B4GALNT3: variants seen among roughly 807,000 people sequenced by gnomAD.
B4GALNT3 encodes beta-1,4-N-acetylgalactosaminyltransferase 3.
B4GALNT3 carries 86 observed loss-of-function variants against 120.2 expected under a neutral mutation model. The observed-to-expected ratio is 0.72, with a 90% CI of 0.60 to 0.86. B4GALNT3 has a LOEUF of 0.86. Ranked by LOEUF, B4GALNT3 falls within the 40% of genes least tolerant of loss-of-function variation. The pLI is 0.00. For synonymous variants in B4GALNT3, 518 were observed against 510.4 expected (o/e 1.01, Z -0.20); for missense variants, 1,167 against 1,298.9 (o/e 0.90, Z 1.56).
In B4GALNT3 at chr12:511,406, T is replaced by TCCTTCCA. The variant is rs143525841; in HGVS notation, c.170-23740_170-23734dup. On this transcript the variant is annotated intron_variant, in intron 1 of 19. Coordinates refer to ENST00000266383, the MANE Select transcript of B4GALNT3 (RefSeq NM_173593.4). ...GCCTTCCACCTTCTGTCTTCCACCT[T>TCCTTCCA]CCTTCCACCTTCCACCTTCCACCTT... 1.8e-3 allele frequency among the ~76,000 whole-genome samples: 126 copies of TCCTTCCA among 70,782 alleles called. 4 individuals are homozygous for TCCTTCCA. The highest frequency in any genetic ancestry group is 0.011 in the East Asian group (20 of 1,776). 46.4% of individuals were successfully genotyped at this position (70,782 alleles called of 152,430 possible).
In B4GALNT3 at chr12:530,061, C is replaced by T. The variant is rs1946791316; in HGVS notation, c.170-5105C>T. Reference sequence around the variant, plus strand: ...CAACTACTTAGGAGCAAAAACAATACATCCTGCCGTGTACCTTCGGTAAAG... The same window carrying T: ...CAACTACTTAGGAGCAAAAACAATATATCCTGCCGTGTACCTTCGGTAAAG... On this transcript the variant is annotated intron_variant, in intron 1 of 19. Coordinates refer to ENST00000266383, the MANE Select transcript of B4GALNT3 (RefSeq NM_173593.4). Among the ~76,000 whole-genome samples the T allele has an allele frequency of 1.6e-5, 2 of 126,500 alleles. 1 individual carries two copies. The highest frequency in any genetic ancestry group is 3.2e-5 in the Non-Finnish European group (2 of 62,412). 83.0% of individuals were successfully genotyped at this position (126,500 alleles called of 152,430 possible). A position where few individuals can be genotyped will look rare whatever the true frequency, so the allele number is the denominator to read the frequency against.
intron 19 of B4GALNT3, among the ~76,000 whole-genome samples, chr12:560,369 G>A (rs1023226924): frequency 2.0e-5 from 3 of 152,084 alleles, no homozygotes; most frequent in Non-Finnish European, 2.9e-5. Flanking sequence ...ATCCACATCC[G>A]TTACCTCGTT....
intron 1 of B4GALNT3, among the ~76,000 whole-genome samples, chr12:481,615 C>T (rs1031213906): frequency 6.6e-6 from 1 of 152,198 alleles, no homozygotes; most frequent in Non-Finnish European, 1.5e-5. Context: ...CCCTGTCTGC[C>T]AGAGTGCATG....
chr12:545,436 C>A lies in B4GALNT3; in HGVS notation c.606C>A (p.Val202=). Residue 202 remains valine (V), a synonymous_variant, in exon 6 of 20, where the codon GTC becomes GTA. Transcript: ENST00000266383. ...TCTGGCTGAGCCTCGATGACCAGGT[C>A]TCAGGCCTCCAGCTGCTGGCCAGTG... The part of the protein sequence containing the change: ...AEFWLSLDDQ[V]SGLQLLASVG... 6.2e-7 allele frequency: 1 copy of A among 1,610,294 alleles called. No individual in the cohort carries two copies. The highest frequency in any genetic ancestry group is 1.1e-5 in the South Asian group (1 of 89,998).
intron 17 of B4GALNT3, 125 bp downstream of exon 17, chr12:558,213 C>A: frequency 9.5e-7 from 1 of 1,058,168 alleles, no homozygotes; most frequent in Non-Finnish European, 1.4e-6. Flanking sequence ...AGGAGGTCCT[C>A]TCTGCTGTGC....
chr12:546,398 G>T (rs1947008985), intron 6 of B4GALNT3, among the ~76,000 whole-genome samples: 2 of 152,016 alleles, frequency 1.3e-5, no homozygotes, highest in African/African-American at 4.8e-5. Flanking sequence ...CCTTGGCCGG[G>T]TGCTGACTCG....
chr12:499,496 G>A (rs1330044376), intron 1 of B4GALNT3, among the ~76,000 whole-genome samples: 1 of 123,948 alleles, frequency 8.1e-6, no homozygotes, highest in African/African-American at 3.7e-5. Flanking sequence ...AGCCCGTGGA[G>A]CCCGTGCTCT....
intron 19 of B4GALNT3, among the ~76,000 whole-genome samples, chr12:560,880 C>T (rs929249056): frequency 1.4e-4 from 21 of 152,192 alleles, no homozygotes; most frequent in Admixed American, 7.8e-4. Context: ...CTGGGGAGGG[C>T]CTAGGCGCCA....
At chr12:522,394 G>A (rs995524289) in intron 1 of B4GALNT3, among the ~76,000 whole-genome samples, 28 of 152,228 alleles carry the variant, frequency 1.8e-4, no homozygotes, top group African/African-American at 6.8e-4. Context: ...CGTGAAGTGA[G>A]AAAAGCCAGA....
Position 561,367 on chromosome 12 carries a change from G to A in B4GALNT3, c.2913G>A (p.Val971=), listed in dbSNP as rs1947230378. 6.2e-7 allele frequency: 1 copy of A among 1,614,014 alleles called. No homozygotes were observed. Among genetic ancestry groups the A allele is most frequent in the East Asian group, 2.2e-5 (1 of 44,894 alleles). ...LDRILQAGLD[V]ERLSLRNFFH... ...GGATACTCCAAGCGGGCCTGGACGTGGAGCGTCTCTCCCTCAGGAATTTCT... is the reference window on the plus strand; with the variant it reads ...GGATACTCCAAGCGGGCCTGGACGTAGAGCGTCTCTCCCTCAGGAATTTCT... The change falls in exon 20 of 20, where the codon GTG becomes GTA. Residue 971 remains valine (V), a synonymous_variant. Transcript: ENST00000266383.
chr12:492,919 A>G (rs1331498784), intron 1 of B4GALNT3, among the ~76,000 whole-genome samples: 1 of 152,050 alleles, frequency 6.6e-6, no homozygotes, highest in African/African-American at 2.4e-5. Flanking sequence ...AAACCTAGAC[A>G]TAGTTCTTAC....
rs763178905 is a variant in B4GALNT3, at chr12:536,202, T to C, written c.274-16T>C. On this transcript the variant is annotated splice_polypyrimidine_tract_variant and intron_variant, in intron 2 of 19. Transcript: ENST00000266383. ...CCTAATATTCCTACCAACTTCGTTC[T>C]TCATTCTTCCCCTAGGACCACGACA... The C allele has an allele frequency of 1.6e-5, 26 of 1,610,436 alleles. No individual in the cohort carries two copies. Among genetic ancestry groups the C allele is most frequent in the Non-Finnish European group, 1.8e-5 (21 of 1,176,794 alleles).
chr12:535,621 G>A (rs1196101482), intron 2 of B4GALNT3, among the ~76,000 whole-genome samples: 3 of 152,210 alleles, frequency 2.0e-5, no homozygotes, highest in African/African-American at 7.2e-5. Context: ...GGGCTGGGCT[G>A]TGCTGTGCTT....
chr12:509,255 T>C (rs1002725946), intron 1 of B4GALNT3, among the ~76,000 whole-genome samples: 4 of 152,204 alleles, frequency 2.6e-5, no homozygotes, highest in African/African-American at 4.8e-5. Context: ...TGGATGGGCT[T>C]GTTAACAGCT....
chr12:496,664 C>T (rs1231785158), intron 1 of B4GALNT3, among the ~76,000 whole-genome samples: 1 of 152,130 alleles, frequency 6.6e-6, no homozygotes, highest in African/African-American at 2.4e-5. Context: ...GTTGTACCAC[C>T]GTCACCTCTG....
chr12:544,215 G>T (rs1301809576), intron 3 of B4GALNT3, 124 bp from the exon 4 acceptor site: 2 of 796,330 alleles, frequency 2.5e-6, no homozygotes, highest in South Asian at 1.6e-5. Context: ...AGGGCATGGG[G>T]TGCTCATCCT....
chr12:512,953 C>CCTTCCACCTTCCACTTT (rs1183508160), intron 1 of B4GALNT3, among the ~76,000 whole-genome samples: 4,977 of 140,136 alleles, frequency 0.036, 212 homozygotes, highest in Non-Finnish European at 0.06. Context: ...CCTTCTTCCA[C>CCTTCCACCTTCCACTTT]CTTCCACCTT....
chr12:547,502 T>G lies in B4GALNT3; in HGVS notation c.708-522T>G, dbSNP rs181171982. Among the ~76,000 whole-genome samples the G allele has an allele frequency of 4.3e-4, 65 of 152,074 alleles. 1 individual carries two copies. In the East Asian group the frequency reaches 0.011, roughly 26 times the overall value. On this transcript the variant is annotated intron_variant, in intron 7 of 19. Coordinates refer to ENST00000266383, the MANE Select transcript of B4GALNT3 (RefSeq NM_173593.4). ...TATCAATAAAAATAAATTTTAAAAT[T>G]TTAAGGAGACAATCTTGCTTGCAAA...
intron 1 of B4GALNT3, among the ~76,000 whole-genome samples, chr12:511,799 CCTT>C (rs200600146): frequency 4.9e-5 from 3 of 61,696 alleles, no homozygotes; most frequent in Non-Finnish European, 9.5e-5. Flanking sequence ...CCACCTTCCA[CCTT>C]CTTCCACCTT....
Sources: gnomAD v4.1 joint callset for allele counts (sites outside exome capture counted in the v4.1 genomes callset) on GRCh38, gnomAD v4.1.1 for gene constraint, MANE v1.5 for transcripts, NCBI Gene and HGNC (gene_info 2026-07-23, HGNC 2026-07-21) for gene names.